CPAMD8: variants seen among roughly 807,000 people sequenced by gnomAD.
CPAMD8 encodes the protein C3 and PZP-like alpha-2-macroglobulin domain-containing protein 8.
CPAMD8 carries 146 observed loss-of-function variants against 224.7 expected under a neutral mutation model. The observed-to-expected ratio is 0.65, with a 90% CI of 0.57 to 0.75. CPAMD8 has a LOEUF of 0.75. CPAMD8 is among the 30% of genes least tolerant of loss of function. The probability of loss-of-function intolerance (pLI) is 0.00; values close to 1 mark genes in which losing one functional copy is unlikely to be tolerated. For synonymous variants in CPAMD8, 966 were observed against 1,044.6 expected (o/e 0.92, Z 1.45); for missense variants, 2,301 against 2,537.5 (o/e 0.91, Z 2.00).
chr19:16,989,223 A>G (rs1201161207), intron 13 of CPAMD8, among the ~76,000 whole-genome samples: 1 of 152,148 alleles, frequency 6.6e-6, no homozygotes, highest in Non-Finnish European at 1.5e-5. Flanking sequence ...GTCTGTGGAA[A>G]AATTGTCTTC....
rs183257642 is a variant in CPAMD8, at chr19:16,989,198, C to T, written c.1395+445G>A. Among the ~76,000 whole-genome samples the T allele has an allele frequency of 1.5e-4, 23 of 152,238 alleles. 1 individual carries two copies. In the South Asian group the frequency reaches 3.3e-3, roughly 22 times the overall value. ...CTTGAATCATCCTGAAACCATCCCCCGTGCCCGTGCCCCCGTCTGTGGAAA... is the reference window on the plus strand; with the variant it reads ...CTTGAATCATCCTGAAACCATCCCCTGTGCCCGTGCCCCCGTCTGTGGAAA... On this transcript the variant is annotated intron_variant, in intron 13 of 41. Transcript: ENST00000443236.
intron 13 of CPAMD8, among the ~76,000 whole-genome samples, chr19:16,987,305 T>G (rs1250484350): frequency 6.7e-6 from 1 of 150,120 alleles, no homozygotes; most frequent in Non-Finnish European, 1.5e-5. Context: ...AAATACAGGT[T>G]TGAACTGCCC....
At chr19:16,932,847 C>T (rs1194772783) in intron 23 of CPAMD8, among the ~76,000 whole-genome samples, 1 of 152,244 alleles carries the variant, frequency 6.6e-6, no homozygotes, top group Non-Finnish European at 1.5e-5. Context: ...GAAGCTCAGA[C>T]ACCTCCAAAT....
Position 16,970,979 on chromosome 19 carries a change from C to CG in CPAMD8, c.2124dup (p.Gly709ArgfsTer7), listed in dbSNP as rs2055042777. On this transcript the variant is annotated frameshift_variant, in exon 18 of 42. Coordinates refer to ENST00000443236, the MANE Select transcript of CPAMD8 (RefSeq NM_015692.5). LOFTEE classifies it high-confidence loss of function. ...ACAGCCTCATCGGTGTAGAGGCCAC[C>CG]GTCCTGCCGGTGGTTCAGGCTCACT... The CG allele has an allele frequency of 3.7e-6, 6 of 1,613,584 alleles. No individual in the cohort carries two copies. The South Asian group carries it at 5.5e-5, about 15-fold the overall frequency.
chr19:17,002,910 CTT>C (rs34659000), intron 8 of CPAMD8, among the ~76,000 whole-genome samples: 1 of 134,498 alleles, frequency 7.4e-6, no homozygotes. Flanking sequence ...CTTTTCTTTT[CTT>C]TTTTTTTTTG....
At position 16,896,531 on chromosome 19, in the gene CPAMD8, C is replaced by T. The variant is rs1203071965; in HGVS notation, c.5200G>A (p.Ala1734Thr). ...CAGGCGGCCTCCCGCAGGCGGCAGG[C>T]GCTGGCGTAGACCACCCCGTCGGAG... Reference protein sequence around the residue: ...CGSDGVVYASACRLREAACRQ... With the variant: ...CGSDGVVYASTCRLREAACRQ... Residue 1734 changes from alanine (A) to threonine (T), a missense_variant, in exon 40 of 42, where the codon GCC (alanine) becomes ACC (threonine). Coordinates refer to ENST00000443236, the MANE Select transcript of CPAMD8 (RefSeq NM_015692.5). 4 of 1,461,198 alleles carry T rather than the reference C, an allele frequency of 2.7e-6. No homozygotes were observed. The highest frequency in any genetic ancestry group is 2.7e-6 in the Non-Finnish European group (3 of 1,115,492). The allele number at this position is 1,461,198 out of a possible 1,614,324, so 90.5% of individuals were successfully genotyped here. A position where few individuals can be genotyped will look rare whatever the true frequency, so the allele number is the denominator to read the frequency against.
chr19:16,961,208 G>A (rs1291469396), intron 18 of CPAMD8, among the ~76,000 whole-genome samples: 1 of 152,160 alleles, frequency 6.6e-6, no homozygotes, highest in Non-Finnish European at 1.5e-5. Context: ...AGTAGGGCGG[G>A]GTGTCGCCTT....
chr19:16,897,341 T>C, intron 39 of CPAMD8: 1 of 101,588 alleles, frequency 9.8e-6, no homozygotes, highest in South Asian at 2.0e-4. Context: ...CCCTCGCCGC[T>C]CGACCCCGCC....
chr19:16,913,058 C>T (rs2052789434), intron 29 of CPAMD8, among the ~76,000 whole-genome samples: 1 of 152,198 alleles, frequency 6.6e-6, no homozygotes, highest in African/African-American at 2.4e-5. Context: ...AAATGTGCCT[C>T]CCAAAACCCT....
intron 23 of CPAMD8, among the ~76,000 whole-genome samples, chr19:16,935,174 C>A (rs1021376466): frequency 6.6e-6 from 1 of 152,150 alleles, no homozygotes; most frequent in Non-Finnish European, 1.5e-5. Flanking sequence ...TCTCTGTACC[C>A]GTTTCCCCCT....
chr19:16,998,540 T>G (rs8105013), intron 10 of CPAMD8, among the ~76,000 whole-genome samples: 1 of 151,914 alleles, frequency 6.6e-6, no homozygotes, highest in Admixed American at 6.6e-5. Flanking sequence ...CAGATGTGTC[T>G]CAGGTGGGAA....
chr19:16,989,911 TC>T (rs1473940012), intron 12 of CPAMD8, 140 bp from the exon 13 acceptor site: 1 of 789,812 alleles, frequency 1.3e-6, no homozygotes, highest in African/African-American at 1.7e-5. Flanking sequence ...TCCCCAATCC[TC>T]AGGGAGTAAT....
At chr19:16,933,083 A>AACT (rs1343857102) in intron 23 of CPAMD8, among the ~76,000 whole-genome samples, 1 of 152,084 alleles carries the variant, frequency 6.6e-6, no homozygotes, top group Non-Finnish European at 1.5e-5. Context: ...CCAGGAGTTC[A>AACT]AGACCAGCCT....
rs1279018881 is a variant in CPAMD8, at chr19:16,975,174, T to C, written c.1993A>G (p.Thr665Ala). 8.1e-6 allele frequency: 13 copies of C among 1,612,172 alleles called. No homozygotes were observed. The highest frequency in any genetic ancestry group is 1.7e-5 in the Admixed American group (1 of 59,590). ...EDGPFWWAGL[T>A]AQRRRRSSVF... The stretch of plus-strand genomic sequence containing the variant: ...GAGGAGCGCCGGCGTCGTTGTGCCG[T>C]CAGCCCAGCCCACCAAAAAGGACCA... Residue 665 changes from threonine to alanine, a missense_variant, in exon 17 of 42, where the codon ACG (threonine) becomes GCG (alanine). Thr to Ala is a moderately conservative substitution (Grantham distance 58). Around this residue, in one of 4 missense-constraint regions of CPAMD8, gnomAD observed 1,709 missense variants for 1,753.2 expected, o/e 0.97. Coordinates refer to ENST00000443236, the MANE Select transcript of CPAMD8 (RefSeq NM_015692.5).
At chr19:16,953,609 G>C (rs939514445) in intron 19 of CPAMD8, among the ~76,000 whole-genome samples, 3 of 151,308 alleles carry the variant, frequency 2.0e-5, no homozygotes, top group African/African-American at 7.3e-5. Flanking sequence ...GCTGAGGTTG[G>C]GGGATCACTT....
rs145214207 is a variant in CPAMD8 at position 17,001,659 on chromosome 19, T to A, written c.758+607A>T. 4.4e-3 allele frequency among the ~76,000 whole-genome samples: 672 copies of A among 151,690 alleles called. 3 individuals are homozygous for A. Among genetic ancestry groups the A allele is most frequent in the Middle Eastern group, 0.017 (5 of 292 alleles). On this transcript the variant is annotated intron_variant, in intron 9 of 41. Coordinates refer to ENST00000443236, the MANE Select transcript of CPAMD8 (RefSeq NM_015692.5). ...AGGCAGTGGGTAGAGTGCAAGAGAC[T>A]CATGTGGCAGGGAGACACCGAGTAC...
At chr19:16,927,911 C>A in intron 25 of CPAMD8, 98 bp downstream of exon 25, 1 of 883,976 alleles carries the variant, frequency 1.1e-6, no homozygotes. Flanking sequence ...CCCCAAGACA[C>A]AGGTCCCCAG....
At position 16,895,310 on chromosome 19, in the gene CPAMD8, G is replaced by A. The variant is rs961037580; in HGVS notation, c.5426+866C>T. ...CCCCTGTAATCCCAGCTTCTGGGGA[G>A]GCTGAGACAGGAGAATCGCTTGAAC... On this transcript the variant is annotated intron_variant, in intron 41 of 41. Transcript: ENST00000443236. The A allele has an allele frequency of 2.6e-5, 4 of 153,090 alleles. No homozygotes were observed. In the South Asian group the frequency reaches 8.2e-4, roughly 31 times the overall value. 9.5% of individuals were successfully genotyped at this position (153,090 alleles called of 1,614,324 possible). A position where few individuals can be genotyped will look rare whatever the true frequency, so the allele number is the denominator to read the frequency against.
chr19:16,893,369 C>T, intron 41 of CPAMD8, 30 bp from the exon 42 acceptor site: 2 of 1,431,272 alleles, frequency 1.4e-6, no homozygotes. Flanking sequence ...TTACAACATC[C>T]TCTACAGCAA....
Sources: allele counts gnomAD v4.1 joint callset (sites outside exome capture counted in the v4.1 genomes callset), GRCh38; gene constraint gnomAD v4.1.1; regional missense constraint gnomAD v4.1.1; transcripts MANE v1.5; gene names NCBI Gene and HGNC (gene_info 2026-07-23, HGNC 2026-07-21).